NUMB: variants seen among roughly 807,000 people sequenced by gnomAD.
The protein encoded by NUMB is NUMB endocytic adaptor protein, also known as protein numb homolog.
A neutral mutation model predicts 59.7 loss-of-function variants in NUMB; 29 were observed. The observed-to-expected ratio is 0.49, with a 90% CI of 0.36 to 0.66. NUMB has a LOEUF of 0.66. Among genes scored for constraint, NUMB ranks in the 30% least tolerant of loss-of-function variants. The pLI, the probability that NUMB is intolerant of heterozygous loss-of-function variation, is 0.00. For missense variants in NUMB, 723 were observed against 822.0 expected, an observed-to-expected ratio of 0.88 and a Z score of 1.47; for synonymous variants, 288 against 288.2, an observed-to-expected ratio of 1.00 and a Z score of 0.01.
intron 4 of NUMB, among the ~76,000 whole-genome samples, chr14:73,336,580 C>T (rs1449534353): frequency 1.3e-5 from 2 of 152,170 alleles, no homozygotes; most frequent in Non-Finnish European, 2.9e-5. Flanking sequence ...GAGGAATGGG[C>T]TACACTGAAC....
chr14:73,408,599 T>C (rs907460150), intron 2 of NUMB, among the ~76,000 whole-genome samples: 1 of 152,148 alleles, frequency 6.6e-6, no homozygotes, highest in African/African-American at 2.4e-5. Context: ...AATTCCAGGC[T>C]GGACGCGGTG....
chr14:73,340,564 TG>T (rs1794923070), intron 4 of NUMB, among the ~76,000 whole-genome samples: 1 of 152,228 alleles, frequency 6.6e-6, no homozygotes, highest in Non-Finnish European at 1.5e-5. Context: ...TTCTCTGCTT[TG>T]TTGTTTGCTG....
At chr14:73,320,893 CA>C (rs1161309743) in intron 5 of NUMB, among the ~76,000 whole-genome samples, 21 of 149,096 alleles carry the variant, frequency 1.4e-4, no homozygotes, top group Admixed American at 1.3e-3. Context: ...TAAAATAAAA[CA>C]AAAAAATCTA....
intron 1 of NUMB, among the ~76,000 whole-genome samples, chr14:73,427,753 GCT>G (rs760449338): frequency 1.3e-5 from 2 of 152,098 alleles, no homozygotes; most frequent in Non-Finnish European, 2.9e-5. Flanking sequence ...TGCTTCTGGT[GCT>G]CTCTCACATC....
intron 2 of NUMB, among the ~76,000 whole-genome samples, chr14:73,376,993 T>C (rs906803930): frequency 1.3e-5 from 2 of 152,168 alleles, no homozygotes; most frequent in Non-Finnish European, 2.9e-5. Context: ...AATGGTGCTG[T>C]AGTAACTGGA....
chr14:73,395,024 AGTATTCGT>A (rs1389303164), intron 2 of NUMB, among the ~76,000 whole-genome samples: 1 of 104,826 alleles, frequency 9.5e-6, no homozygotes, highest in Non-Finnish European at 2.0e-5. Flanking sequence ...AAGGTTGAAT[AGTATTCGT>A]GTGTTTGTGT....
intron 4 of NUMB, among the ~76,000 whole-genome samples, chr14:73,327,829 TACC>T (rs72091270): frequency 0.01 from 1,585 of 152,218 alleles, 28 homozygotes; most frequent in African/African-American, 0.036. Context: ...GCTGTGTAAC[TACC>T]ACCACAATCA....
chr14:73,430,238 C>T (rs1344106595), intron 1 of NUMB, among the ~76,000 whole-genome samples: 3 of 151,792 alleles, frequency 2.0e-5, no homozygotes, highest in African/African-American at 7.3e-5. Context: ...TGAATAAATA[C>T]CCGGGAGTGA....
chr14:73,411,176 C>T (rs1444532487), intron 1 of NUMB, among the ~76,000 whole-genome samples: 1 of 140,430 alleles, frequency 7.1e-6, no homozygotes, highest in Non-Finnish European at 1.5e-5. Flanking sequence ...GGACTACAGG[C>T]ATGTGCCATC....
intron 6 of NUMB, 150 bp downstream of exon 6, chr14:73,316,240 A>G (rs1891078087): frequency 1.6e-6 from 1 of 642,194 alleles, no homozygotes; most frequent in Admixed American, 2.8e-5. Context: ...CACGGATAGT[A>G]ACTTCCTAAT....
chr14:73,386,864 C>CTTTTTTTTTTTTTTTTTT (rs1566773800), intron 2 of NUMB, among the ~76,000 whole-genome samples: 1 of 73,806 alleles, frequency 1.4e-5, no homozygotes, highest in African/African-American at 5.5e-5. Flanking sequence ...TATCAGGTGT[C>CTTTTTTTTTTTTTTTTTT]TTATTTTTTT....
rs534926239 is a variant in NUMB, at chr14:73,385,487, G to A, written c.-100-18506C>T. Among the ~76,000 whole-genome samples the A allele has an allele frequency of 2.5e-4, 35 of 142,182 alleles. 1 individual carries two copies. In the South Asian group the frequency reaches 4.8e-3, roughly 20 times the overall value. 93.3% of individuals were successfully genotyped at this position (142,182 alleles called of 152,430 possible). On this transcript the variant is annotated intron_variant, in intron 2 of 12. Transcript: ENST00000555238. Reference sequence around the variant, plus strand: ...ATTTAAATCAAAATAGCTACATATGGCTAGTGGCCTTTTTTTTTTTTTTTT... The same window carrying A: ...ATTTAAATCAAAATAGCTACATATGACTAGTGGCCTTTTTTTTTTTTTTTT...
chr14:73,393,763 GC>G (rs1355732675), intron 2 of NUMB, among the ~76,000 whole-genome samples: 3 of 152,094 alleles, frequency 2.0e-5, no homozygotes, highest in Non-Finnish European at 4.4e-5. Flanking sequence ...TTAAAATAAA[GC>G]ACTTTCATTT....
At chr14:73,362,623 G>A (rs969844037) in intron 3 of NUMB, among the ~76,000 whole-genome samples, 12 of 151,754 alleles carry the variant, frequency 7.9e-5, no homozygotes, top group Non-Finnish European at 1.0e-4. Flanking sequence ...TTGTAGAGAC[G>A]GGGTTTTGCC....
chr14:73,427,141 A>G (rs907873724), intron 1 of NUMB, among the ~76,000 whole-genome samples: 10 of 152,230 alleles, frequency 6.6e-5, no homozygotes, highest in Non-Finnish European at 1.5e-4. Context: ...GCTATTGCTT[A>G]CAGGAAATAA....
At chr14:73,423,465 A>T (rs975970398) in intron 1 of NUMB, among the ~76,000 whole-genome samples, 1 of 152,026 alleles carries the variant, frequency 6.6e-6, no homozygotes, top group African/African-American at 2.4e-5. Context: ...ACATGGCAAA[A>T]GCCCATCTCT....
intron 4 of NUMB, among the ~76,000 whole-genome samples, chr14:73,352,477 CAT>C (rs1170959840): frequency 0.016 from 196 of 12,598 alleles, no homozygotes; most frequent in Non-Finnish European, 0.027. Context: ...CACACACACA[CAT>C]ATATATATAT....
At chr14:73,370,034 T>A (rs963361162) in intron 2 of NUMB, among the ~76,000 whole-genome samples, 2 of 152,172 alleles carry the variant, frequency 1.3e-5, no homozygotes, top group African/African-American at 2.4e-5. Flanking sequence ...ATGAAATTCA[T>A]CCATACTCTT....
chr14:73,286,046 C>G (rs925823225), intron 9 of NUMB: 1 of 151,364 alleles, frequency 6.6e-6, no homozygotes, highest in African/African-American at 2.4e-5. Flanking sequence ...TTTTAAGAGA[C>G]AGGGTTTTGC....
Sources: allele counts gnomAD v4.1 joint callset (sites outside exome capture counted in the v4.1 genomes callset), GRCh38; gene constraint gnomAD v4.1.1; transcripts MANE v1.5; gene names NCBI Gene and HGNC (gene_info 2026-07-23, HGNC 2026-07-21).